Variants in EDIL3 observed in about 807,000 individuals in gnomAD.
EDIL3 encodes EGF-like repeat and discoidin I-like domain-containing protein 3.
A neutral mutation model predicts 67.4 loss-of-function variants in EDIL3; 37 were observed. That is an observed-to-expected ratio of 0.55 (90% CI 0.42 to 0.72). EDIL3 has a LOEUF of 0.72. EDIL3 is among the 30% of genes least tolerant of loss of function. The pLI is 0.00. For synonymous variants in EDIL3, 195 were observed against 196.3 expected, an observed-to-expected ratio of 0.99 and a Z score of 0.05; for missense variants, 527 against 586.3, an observed-to-expected ratio of 0.90 and a Z score of 1.04.
At chr5:84,071,758 T>C (rs1296497300) in intron 6 of EDIL3, among the ~76,000 whole-genome samples, 1 of 152,156 alleles carries the variant, frequency 6.6e-6, no homozygotes, top group East Asian at 1.9e-4. Flanking sequence ...AAAAACTAAT[T>C]TAAAAGTTCT....
At chr5:83,967,046 G>T (rs1265293007) in intron 9 of EDIL3, among the ~76,000 whole-genome samples, 1 of 152,092 alleles carries the variant, frequency 6.6e-6, no homozygotes, top group African/African-American at 2.4e-5. Flanking sequence ...TAACGTTCTG[G>T]GTATGGTGGC....
At chr5:84,132,383 TATATTTTATATATAATATATATTTTAAC>T (rs1747992914) in intron 5 of EDIL3, among the ~76,000 whole-genome samples, 1 of 49,410 alleles carries the variant, frequency 2.0e-5, no homozygotes, top group Non-Finnish European at 3.8e-5. Context: ...TTATATATAA[TATATTTTATATATAATATATATTTTAAC>T]ATATATTATA....
At chr5:84,015,976 T>G (rs969520541) in intron 9 of EDIL3, among the ~76,000 whole-genome samples, 1 of 152,080 alleles carries the variant, frequency 6.6e-6, no homozygotes, top group Non-Finnish European at 1.5e-5. Flanking sequence ...GTAGTACAGA[T>G]CCTCTCATCA....
chr5:84,364,389 G>T (rs979236181), intron 1 of EDIL3, among the ~76,000 whole-genome samples: 3 of 152,112 alleles, frequency 2.0e-5, no homozygotes, highest in African/African-American at 7.2e-5. Context: ...TATTGCTTTG[G>T]AAATTGTTAC....
chr5:84,072,530 T>G (rs940765492), intron 6 of EDIL3, among the ~76,000 whole-genome samples: 3 of 152,166 alleles, frequency 2.0e-5, no homozygotes, highest in African/African-American at 7.2e-5. Context: ...CATGTGATAG[T>G]GTAATGACAT....
At chr5:84,064,091 G>A (rs1389345876) in intron 8 of EDIL3, among the ~76,000 whole-genome samples, 3 of 152,150 alleles carry the variant, frequency 2.0e-5, no homozygotes, top group South Asian at 4.1e-4. Flanking sequence ...CCTTTGATAG[G>A]TTATCCTTGA....
intron 4 of EDIL3, among the ~76,000 whole-genome samples, chr5:84,153,418 T>A (rs1748433543): frequency 6.6e-6 from 1 of 152,076 alleles, no homozygotes; most frequent in African/African-American, 2.4e-5. Context: ...TGTCTCCTCC[T>A]GAGTAGCTGG....
At chr5:84,213,475 C>T (rs978466314) in intron 3 of EDIL3, among the ~76,000 whole-genome samples, 4 of 152,112 alleles carry the variant, frequency 2.6e-5, no homozygotes, top group African/African-American at 9.7e-5. Context: ...AAACCATGGC[C>T]AATCTGTACA....
chr5:84,384,558 G>A lies in EDIL3; in HGVS notation c.-184C>T, dbSNP rs1735400709. On this transcript the variant is annotated 5_prime_UTR_variant, in exon 1 of 11. Transcript: ENST00000296591. ...AGGGCGAGAGTGGTGACTAAAGAGA[G>A]GAGCCTTTCCTCCCCTTTTGCCTGC... The A allele has an allele frequency of 1.9e-6, 1 of 519,518 alleles. No individual in the cohort carries two copies. 32.2% of individuals were successfully genotyped at this position (519,518 alleles called of 1,614,324 possible).
chr5:84,102,980 A>C (rs943812388), intron 6 of EDIL3, among the ~76,000 whole-genome samples: 1 of 152,170 alleles, frequency 6.6e-6, no homozygotes, highest in African/African-American at 2.4e-5. Flanking sequence ...ATAGGGCTAC[A>C]GTAACCAAAA....
intron 9 of EDIL3, among the ~76,000 whole-genome samples, chr5:83,965,545 T>C (rs1034624345): frequency 6.6e-6 from 1 of 152,054 alleles, no homozygotes; most frequent in African/African-American, 2.4e-5. Flanking sequence ...ACCAAGAATA[T>C]GAAAACCTCC....
At chr5:84,245,366 A>G (rs1744888422) in intron 2 of EDIL3, among the ~76,000 whole-genome samples, 1 of 152,162 alleles carries the variant, frequency 6.6e-6, no homozygotes, top group African/African-American at 2.4e-5. Flanking sequence ...ATTACTATGA[A>G]TAAGTGAGCA....
chr5:84,202,609 C>T (rs1448954054), intron 3 of EDIL3, among the ~76,000 whole-genome samples: 1 of 152,032 alleles, frequency 6.6e-6, no homozygotes, highest in Non-Finnish European at 1.5e-5. Context: ...ATGTTTTATA[C>T]CTGGCAGATA....
intron 1 of EDIL3, among the ~76,000 whole-genome samples, chr5:84,329,975 G>A (rs763032571): frequency 8.6e-5 from 13 of 152,006 alleles, no homozygotes; most frequent in Non-Finnish European, 1.8e-4. Flanking sequence ...ACTTCAGAAA[G>A]CACCAAATTA....
intron 1 of EDIL3, among the ~76,000 whole-genome samples, chr5:84,312,986 CAG>C (rs1313762154): frequency 6.6e-6 from 1 of 152,084 alleles, no homozygotes; most frequent in African/African-American, 2.4e-5. Context: ...TAACAAATCT[CAG>C]AAAAGTGTTT....
At chr5:84,084,246 C>G (rs1054637932) in intron 6 of EDIL3, among the ~76,000 whole-genome samples, 1 of 152,048 alleles carries the variant, frequency 6.6e-6, no homozygotes, top group African/African-American at 2.4e-5. Context: ...CTCACATATT[C>G]TATGTTTTAT....
chr5:84,299,605 TG>T (rs1469406651), intron 1 of EDIL3, among the ~76,000 whole-genome samples: 1 of 152,226 alleles, frequency 6.6e-6, no homozygotes, highest in Non-Finnish European at 1.5e-5. Flanking sequence ...TATATTCAAT[TG>T]TTTCATTTTT....
intron 6 of EDIL3, among the ~76,000 whole-genome samples, chr5:84,096,150 G>T (rs528708602): frequency 6.6e-6 from 1 of 152,174 alleles, no homozygotes; most frequent in Non-Finnish European, 1.5e-5. Flanking sequence ...AGGGAAACGG[G>T]GGGTAAGAGC....
At chr5:84,309,648 C>A (rs1211218238) in intron 1 of EDIL3, among the ~76,000 whole-genome samples, 1 of 152,086 alleles carries the variant, frequency 6.6e-6, no homozygotes, top group Non-Finnish European at 1.5e-5. Flanking sequence ...CCACTTTCAT[C>A]CATGTCCCTA....
Sources: allele counts gnomAD v4.1 joint callset (sites outside exome capture counted in the v4.1 genomes callset), GRCh38; gene constraint gnomAD v4.1.1; transcripts MANE v1.5; gene names NCBI Gene and HGNC (gene_info 2026-07-23, HGNC 2026-07-21).